The following IKZF3 variants were observed in gnomAD, a reference collection of about 807,000 sequenced individuals.
IKZF3 encodes the protein IKAROS family zinc finger 3, also known as zinc finger protein Aiolos.
Under a neutral mutation model 49.0 loss-of-function variants are expected in IKZF3, and 10 were observed. The observed-to-expected ratio is 0.20, with a 90% CI of 0.13 to 0.35. IKZF3 has a LOEUF of 0.35. IKZF3 is among the 10% of genes least tolerant of loss of function. IKZF3 has a pLI of 1.00. For synonymous variants in IKZF3, 209 were observed against 228.2 expected (o/e 0.92, Z 0.76); for missense variants, 498 against 664.8 (o/e 0.75, Z 2.76).
chr17:39,814,566 C>A (rs995747321), intron 3 of IKZF3, among the ~76,000 whole-genome samples: 2 of 152,158 alleles, frequency 1.3e-5, no homozygotes, highest in Admixed American at 1.3e-4. Flanking sequence ...TGAGGTCACA[C>A]TGGATTAGGG....
chr17:39,825,737 T>C (rs142476579), intron 3 of IKZF3, among the ~76,000 whole-genome samples: 1 of 152,310 alleles, frequency 6.6e-6, no homozygotes, highest in East Asian at 1.9e-4. Flanking sequence ...TTGAAATTGC[T>C]CTTATGATTG....
intron 1 of IKZF3, among the ~76,000 whole-genome samples, chr17:39,841,967 A>T (rs1362599086): frequency 6.8e-6 from 1 of 147,232 alleles, no homozygotes; most frequent in Non-Finnish European, 1.5e-5. Context: ...AATCACTTGA[A>T]CTCACAAGTT....
intron 3 of IKZF3, among the ~76,000 whole-genome samples, chr17:39,827,105 CT>C (rs2061977642): frequency 6.6e-6 from 1 of 152,084 alleles, no homozygotes; most frequent in South Asian, 2.1e-4. Flanking sequence ...CCAAGCAATT[CT>C]CCTGCCTCAG....
At chr17:39,828,084 C>T (rs759605567) in intron 3 of IKZF3, among the ~76,000 whole-genome samples, 4 of 152,162 alleles carry the variant, frequency 2.6e-5, no homozygotes, top group Non-Finnish European at 4.4e-5. Context: ...CTCTTTCCTA[C>T]CAGATGCAGT....
At chr17:39,805,233 TAAG>T (rs1278464085) in intron 3 of IKZF3, among the ~76,000 whole-genome samples, 2 of 152,166 alleles carry the variant, frequency 1.3e-5, no homozygotes, top group Admixed American at 6.5e-5. Context: ...GGAAAGAAGA[TAAG>T]AAGGAGGAAA....
intron 6 of IKZF3, among the ~76,000 whole-genome samples, chr17:39,783,669 G>A (rs750634169): frequency 8.6e-5 from 13 of 151,620 alleles, no homozygotes; most frequent in Admixed American, 2.6e-4. Context: ...GGTGGCTTAC[G>A]CCCATAATCA....
chr17:39,807,401 CTTT>C (rs1257023793), intron 3 of IKZF3, among the ~76,000 whole-genome samples: 15 of 136,176 alleles, frequency 1.1e-4, no homozygotes, highest in Admixed American at 1.5e-4. Flanking sequence ...CAATGATATT[CTTT>C]TTTTTTTTTT....
intron 1 of IKZF3, among the ~76,000 whole-genome samples, chr17:39,849,398 C>G (rs1329137242): frequency 6.6e-6 from 1 of 151,598 alleles, no homozygotes; most frequent in Non-Finnish European, 1.5e-5. Context: ...GTGGCTCATG[C>G]CTGTAATCCC....
chr17:39,793,460 G>T (rs183277674), intron 3 of IKZF3, among the ~76,000 whole-genome samples: 1 of 152,156 alleles, frequency 6.6e-6, no homozygotes, highest in African/African-American at 2.4e-5. Context: ...CCCCTTCCAC[G>T]TATATGAATT....
chr17:39,811,041 A>G (rs1283775554), intron 3 of IKZF3, among the ~76,000 whole-genome samples: 1 of 152,020 alleles, frequency 6.6e-6, no homozygotes, highest in African/African-American at 2.4e-5. Context: ...GGAGTTCAAG[A>G]CCAGCCTGGG....
intron 6 of IKZF3, among the ~76,000 whole-genome samples, chr17:39,783,168 C>G (rs1344807540): frequency 2.6e-5 from 4 of 152,090 alleles, no homozygotes; most frequent in African/African-American, 9.7e-5. Context: ...TGTAGTCAGT[C>G]AGTAACTAAT....
chr17:39,817,883 C>T (rs938572293), intron 3 of IKZF3, among the ~76,000 whole-genome samples: 5 of 152,136 alleles, frequency 3.3e-5, no homozygotes, highest in African/African-American at 1.2e-4. Flanking sequence ...AGACCTCCAG[C>T]GGATGTCTGA....
chr17:39,852,146 C>T (rs192257530), intron 1 of IKZF3, among the ~76,000 whole-genome samples: 93 of 152,302 alleles, frequency 6.1e-4, no homozygotes, highest in Non-Finnish European at 7.8e-4. Flanking sequence ...AATAAACTTA[C>T]ACTACAGATA....
At chr17:39,803,096 C>T (rs2061358942) in intron 3 of IKZF3, among the ~76,000 whole-genome samples, 1 of 152,084 alleles carries the variant, frequency 6.6e-6, no homozygotes, top group African/African-American at 2.4e-5. Flanking sequence ...CACTATACAT[C>T]AGCAGTAGGT....
intron 3 of IKZF3, among the ~76,000 whole-genome samples, chr17:39,803,125 CT>C (rs2061359499): frequency 6.6e-6 from 1 of 152,152 alleles, no homozygotes; most frequent in Non-Finnish European, 1.5e-5. Context: ...AGCTGCTCAG[CT>C]GGGCTAAGCT....
At chr17:39,781,019 C>T (rs924087369) in intron 6 of IKZF3, among the ~76,000 whole-genome samples, 2 of 152,082 alleles carry the variant, frequency 1.3e-5, no homozygotes, top group Non-Finnish European at 2.9e-5. Flanking sequence ...GAATAGGGGG[C>T]CTGAGTGGCT....
In IKZF3 at chr17:39,792,871, G is replaced by A; in HGVS notation, c.226C>T (p.Pro76Ser). The change falls in exon 4 of 8, where the codon CCC (proline) becomes TCC (serine). Residue 76 changes from proline (P) to serine (S), a missense_variant. Coordinates refer to ENST00000346872, the MANE Select transcript of IKZF3 (RefSeq NM_012481.5). ...ERDENVLKSEPMGNAEEPEIP... is the reference protein window; with the variant it reads ...ERDENVLKSESMGNAEEPEIP... ...TCAGGCTCTTCTGCATTTCCCATGG[G>A]TTCTGACTTTAAAACATTCTCATCT... 1 of 1,613,824 alleles carries A rather than the reference G, an allele frequency of 6.2e-7. No homozygotes were observed. Among genetic ancestry groups the A allele is most frequent in the South Asian group, 1.1e-5 (1 of 91,082 alleles).
In IKZF3 at chr17:39,829,550, A is replaced by G. The variant is rs2062052048; in HGVS notation, c.62-62T>C. On this transcript the variant is annotated intron_variant, in intron 2 of 7. Transcript: ENST00000346872. Reference sequence around the variant, plus strand: ...CGTTAAAGGATTTTTATAAATATATATTAAGTAGACCCCCATTTAACTTTC... The same window carrying G: ...CGTTAAAGGATTTTTATAAATATATGTTAAGTAGACCCCCATTTAACTTTC... The G allele has an allele frequency of 1.1e-5, 12 of 1,104,214 alleles. No individual in the cohort carries two copies. In the South Asian group the frequency reaches 1.6e-4, roughly 14 times the overall value. 68.4% of individuals were successfully genotyped at this position (1,104,214 alleles called of 1,614,324 possible). A position where few individuals can be genotyped will look rare whatever the true frequency, so the allele number is the denominator to read the frequency against.
In IKZF3 at chr17:39,785,143, T is replaced by A. The variant is rs142551761; in HGVS notation, c.709+3115A>T. 5.8e-4 allele frequency among the ~76,000 whole-genome samples: 88 copies of A among 152,236 alleles called. 1 individual carries two copies. Among genetic ancestry groups the A allele is most frequent in the South Asian group, 4.1e-4 (2 of 4,826 alleles). On this transcript the variant is annotated intron_variant, in intron 6 of 7. Transcript: ENST00000346872. ...CCCAATTCTAAGAAGGAAACAGAAA[T>A]GGAAACCACACATGGAAGGGTGCAA...
Sources: gnomAD v4.1 joint callset for allele counts (sites outside exome capture counted in the v4.1 genomes callset) on GRCh38, gnomAD v4.1.1 for gene constraint, MANE v1.5 for transcripts, NCBI Gene and HGNC (gene_info 2026-07-23, HGNC 2026-07-21) for gene names.